TAOK2: variants seen among roughly 807,000 people sequenced by gnomAD.
TAOK2 encodes serine/threonine-protein kinase TAO2.
Under a neutral mutation model 122.5 loss-of-function variants are expected in TAOK2, and 42 were observed. That is an observed-to-expected ratio of 0.34 (90% CI 0.27 to 0.44). The LOEUF (loss-of-function observed/expected upper bound fraction) is 0.44, where lower values mean the gene tolerates loss of function less well. Ranked by LOEUF, TAOK2 falls within the 20% of genes least tolerant of loss-of-function variation. TAOK2 has a pLI of 1.00. For synonymous variants in TAOK2, 704 were observed against 677.6 expected (o/e 1.04, Z -0.61); for missense variants, 1,264 against 1,644.9 (o/e 0.77, Z 4.01).
chr16:29,983,119 G>A lies in TAOK2; in HGVS notation c.1047G>A (p.Glu349=). The change falls in exon 12 of 16, where the codon GAG becomes GAA. Residue 349 remains glutamate, a synonymous_variant. Transcript: ENST00000308893. ...GGGCCGGGACTCTGACCAGCCTCGA[G>A]AGTAGCCACTCAGTGCCCAGCATGT... ...MHRAGTLTSL[E]SSHSVPSMSI... The A allele has an allele frequency of 6.2e-7, 1 of 1,614,118 alleles. No individual in the cohort carries two copies. The highest frequency in any genetic ancestry group is 8.5e-7 in the Non-Finnish European group (1 of 1,180,026).
downstream of TAOK2, chr16:29,989,582 C>G (rs1352200872): frequency 2.5e-6 from 4 of 1,613,876 alleles, no homozygotes; most frequent in Non-Finnish European, 3.4e-6. Flanking sequence ...CTTGATCCGT[C>G]CACTGCATAG....
rs147197229 is a variant in TAOK2, at chr16:29,984,422, A to T, written c.1422+758A>T. On this transcript the variant is annotated intron_variant, in intron 13 of 15. Transcript: ENST00000308893. Reference sequence around the variant, plus strand: ...AACATAGTTTTTCATCTATGTTTTTAGATCACGTTCCTGCTGAGCTGCATT... The same window carrying T: ...AACATAGTTTTTCATCTATGTTTTTTGATCACGTTCCTGCTGAGCTGCATT... Among the ~76,000 whole-genome samples, 1,427 of 152,328 alleles carry T rather than the reference A, an allele frequency of 9.4e-3. 20 individuals carry two copies. The highest frequency in any genetic ancestry group is 0.033 in the African/African-American group (1,354 of 41,570).
At chr16:29,981,267 A>G (rs2069605742) in intron 8 of TAOK2, 2 of 487,492 alleles carry the variant, frequency 4.1e-6, no homozygotes, top group Admixed American at 3.7e-5. Context: ...TTTCAGTCCT[A>G]TTTAATCTTT....
chr16:29,977,853 C>T lies in TAOK2; in HGVS notation c.81C>T (p.Leu27=), dbSNP rs773830472. The T allele has an allele frequency of 1.2e-6, 2 of 1,614,186 alleles. No individual in the cohort carries two copies. The highest frequency in any genetic ancestry group is 1.7e-5 in the Admixed American group (1 of 60,024). ...TCTTCAAGGATGACCCAGAAAAGCT[C>T]TTCTCTGACCTCCGGGAAATTGGCC... is the stretch of plus-strand genomic sequence containing the variant. ...ELFFKDDPEK[L]FSDLREIGHG... Residue 27 remains leucine, a synonymous_variant, in exon 2 of 16, where the codon CTC becomes CTT. Coordinates refer to ENST00000308893, the MANE Select transcript of TAOK2 (RefSeq NM_016151.4).
chr16:29,978,550 G>A (rs2069526153), intron 4 of TAOK2, among the ~76,000 whole-genome samples, 197 bp downstream of exon 4: 1 of 152,198 alleles, frequency 6.6e-6, no homozygotes, highest in African/African-American at 2.4e-5. Context: ...CTGTTAGCAG[G>A]TGGGACAGGT....
downstream of TAOK2, chr16:29,991,013 C>G (rs544738531): frequency 2.5e-5 from 39 of 1,585,898 alleles, no homozygotes; most frequent in African/African-American, 3.0e-4. The surrounding 1 kb of genome is among the most constrained non-coding windows in gnomAD (Gnocchi z 5.6). Flanking sequence ...TGGGCTCCTG[C>G]CCCCGACTCT....
Position 29,987,613 on chromosome 16 carries a change from T to G in TAOK2, c.3341T>G (p.Leu1114Arg). The G allele has an allele frequency of 6.2e-7, 1 of 1,613,062 alleles. No homozygotes were observed. The highest frequency in any genetic ancestry group is 8.5e-7 in the Non-Finnish European group (1 of 1,179,336). Residue 1114 changes from leucine to arginine, a missense_variant, in exon 16 of 16, where the codon CTG becomes CGG. Leu to Arg is a moderately radical substitution (Grantham distance 102). Transcript: ENST00000308893. ...GAVGDRGLFA[L>R]YPKTNKDGFR... ...GTGGGGGACCGGGGTCTGTTTGCAC[T>G]GTACCCCAAAACCAACAAGGATGGC...
downstream of TAOK2, chr16:29,989,696 C>T (rs1198556797): frequency 1.2e-6 from 2 of 1,614,104 alleles, no homozygotes; most frequent in East Asian, 2.2e-5. Context: ...ACGCCCAAAG[C>T]TCAGCACAAG....
intron 3 of TAOK2, 45 bp downstream of exon 3, chr16:29,978,205 GTC>G: frequency 6.2e-7 from 1 of 1,614,048 alleles, no homozygotes; most frequent in Middle Eastern, 1.7e-4. Context: ...GGGGACTCCT[GTC>G]TCAAGATGCA....
intron 8 of TAOK2, chr16:29,981,430 G>C: frequency 1.6e-6 from 1 of 610,536 alleles, no homozygotes; most frequent in Non-Finnish European, 3.0e-6. Flanking sequence ...TGCTTTTGTG[G>C]ATGTTATTTT....
At position 29,979,746 on chromosome 16, in the gene TAOK2, G is replaced by A. The variant is rs2069561472; in HGVS notation, c.655+238G>A. Among the ~76,000 whole-genome samples, 1 of 152,140 alleles carries A rather than the reference G, an allele frequency of 6.6e-6. No individual in the cohort carries two copies. The highest frequency in any genetic ancestry group is 6.5e-5 in the Admixed American group (1 of 15,280). On this transcript the variant is annotated intron_variant, in intron 8 of 15. Coordinates refer to ENST00000308893, the MANE Select transcript of TAOK2 (RefSeq NM_016151.4). This position sits in a 1 kb window ranked among gnomAD's most constrained non-coding sequence, Gnocchi z 4.1. The stretch of plus-strand genomic sequence containing the variant: ...TACCCTGGTTCTGAATCTTTTCTTA[G>A]TGCCCACCATGTGCTGTGCCATGGA...
intron 1 of TAOK2, among the ~76,000 whole-genome samples, chr16:29,977,249 C>T (rs975812705): frequency 1.3e-5 from 2 of 152,180 alleles, no homozygotes; most frequent in Non-Finnish European, 2.9e-5. Flanking sequence ...CGGATTTCCA[C>T]CGCCTCCGGC....
Position 29,979,284 on chromosome 16 carries a change from A to G in TAOK2, c.539A>G (p.Asn180Ser), listed in dbSNP as rs140117945. The change falls in exon 7 of 16, where the codon AAC (asparagine) becomes AGC (serine). Residue 180 changes from asparagine to serine, a missense_variant. By Grantham distance (46) the Asn-to-Ser change is conservative (BLOSUM62 1). Transcript: ENST00000308893. This position sits in a 1 kb window ranked among gnomAD's most constrained non-coding sequence, Gnocchi z 4.1. ...FGSASIMAPA[N>S]SFVGTPYWMA... The stretch of plus-strand genomic sequence containing the variant: ...TCTGCGTCCATCATGGCACCTGCCA[A>G]CTCCTTCGTGGGCACCCCATACTGG... The G allele has an allele frequency of 3.3e-5, 54 of 1,613,514 alleles. No homozygotes were observed. The highest frequency in any genetic ancestry group is 1.6e-4 in the African/African-American group (12 of 74,674).
At chr16:29,984,609 G>A (rs1879121917) in intron 13 of TAOK2, among the ~76,000 whole-genome samples, 1 of 152,110 alleles carries the variant, frequency 6.6e-6, no homozygotes, top group African/African-American at 2.4e-5. Context: ...GCCGGGACTA[G>A]TTTGAGAGCC....
chr16:29,976,795 GT>G (rs1443036480), intron 1 of TAOK2, among the ~76,000 whole-genome samples: 2 of 152,188 alleles, frequency 1.3e-5, no homozygotes, highest in Non-Finnish European at 2.9e-5. Flanking sequence ...CCTTGGAGAA[GT>G]CCTTTTTCTT....
chr16:29,987,391 G>A lies in TAOK2; in HGVS notation c.3119G>A (p.Gly1040Asp). ...LGLSWRRGLMGVPLGLGAAWL... is the reference protein window; with the variant it reads ...LGLSWRRGLMDVPLGLGAAWL... ...CTGAGCTGGCGCCGAGGCCTCATGG[G>A]TGTTCCCCTGGGCCTTGGAGCTGCC... The change falls in exon 16 of 16, where the codon GGT becomes GAT. Residue 1040 changes from glycine (G) to aspartate (D), a missense_variant. Gly to Asp is a moderately conservative substitution (Grantham distance 94). Around this residue, in one of 4 missense-constraint regions of TAOK2, gnomAD observed 824 missense variants for 908.7 expected, o/e 0.91. Coordinates refer to ENST00000308893, the MANE Select transcript of TAOK2 (RefSeq NM_016151.4). 6.2e-7 allele frequency: 1 copy of A among 1,606,228 alleles called. No individual in the cohort carries two copies. The highest frequency in any genetic ancestry group is 8.5e-7 in the Non-Finnish European group (1 of 1,175,012).
In TAOK2 at chr16:29,978,864, A is replaced by T; in HGVS notation, c.352+20A>T. On this transcript the variant is annotated intron_variant, in intron 5 of 15. Transcript: ENST00000308893. ...TAGAAGGTAAGTGACTGATAGGCCA[A>T]TAAGTGGAGAAGGGAGAAGAGCAGG... 6.2e-7 allele frequency: 1 copy of T among 1,614,108 alleles called. No individual in the cohort carries two copies. The highest frequency in any genetic ancestry group is 1.1e-5 in the South Asian group (1 of 91,084).
chr16:29,981,369 G>T (rs1336087031), intron 8 of TAOK2: 2 of 586,668 alleles, frequency 3.4e-6, no homozygotes, highest in Non-Finnish European at 6.1e-6. Context: ...TGGCACCTAA[G>T]AAATATTAGT....
downstream of TAOK2, chr16:29,990,737 G>A (rs745835082): frequency 6.4e-6 from 10 of 1,550,828 alleles, no homozygotes; most frequent in East Asian, 2.3e-5. Context: ...GGAGGATAGT[G>A]GGGGTGGGGG....
Sources: allele counts gnomAD v4.1 joint callset (sites outside exome capture counted in the v4.1 genomes callset), GRCh38; gene constraint gnomAD v4.1.1; regional missense constraint gnomAD v4.1.1; non-coding constraint Gnocchi (gnomAD v3.1); transcripts MANE v1.5; gene names NCBI Gene and HGNC (gene_info 2026-07-23, HGNC 2026-07-21).